Variants in THBS2 observed in about 807,000 individuals in gnomAD.
THBS2 encodes the protein thrombospondin 2.
In THBS2, 47 loss-of-function variants were observed where a neutral mutation model predicts 135.2. The observed-to-expected ratio is 0.35, with a 90% CI of 0.28 to 0.44. The LOEUF is 0.44. Among genes scored for constraint, THBS2 ranks in the 20% least tolerant of loss-of-function variants. The pLI is 1.00. For synonymous variants in THBS2, 639 were observed against 633.8 expected, an observed-to-expected ratio of 1.01 and a Z score of -0.12; for missense variants, 1,288 against 1,603.1, an observed-to-expected ratio of 0.80 and a Z score of 3.36.
intron 21 of THBS2, chr6:169,219,822 A>T (rs1198516348): frequency 2.1e-6 from 1 of 482,050 alleles, no homozygotes; most frequent in Non-Finnish European, 4.0e-6. Flanking sequence ...CTATAGAGAA[A>T]CTCCTTCCTT....
chr6:169,236,095 ACACT>A (rs1229020539), intron 9 of THBS2, among the ~76,000 whole-genome samples: 18 of 97,638 alleles, frequency 1.8e-4, no homozygotes, highest in East Asian at 2.9e-4. Flanking sequence ...ACTCCCATCC[ACACT>A]CACTCCCCAT....
At position 169,246,880 on chromosome 6, in the gene THBS2, G is replaced by A. The variant is rs59537455; in HGVS notation, c.610-599C>T. 8.7e-3 allele frequency among the ~76,000 whole-genome samples: 1,330 copies of A among 152,250 alleles called. 7 individuals carry two copies. Among genetic ancestry groups the A allele is most frequent in the Non-Finnish European group, 0.013 (872 of 68,026 alleles). On this transcript the variant is annotated intron_variant, in intron 3 of 21. Coordinates refer to ENST00000617924, the MANE Select transcript of THBS2 (RefSeq NM_003247.5). ...TGTACTTATTTCCAAGGCCCTACAC[G>A]TCCGGGAGGGAGCAATGTACCATAC...
chr6:169,253,007 G>GGTA (rs1015713908), intron 1 of THBS2, among the ~76,000 whole-genome samples: 1 of 152,106 alleles, frequency 6.6e-6, no homozygotes, highest in African/African-American at 2.4e-5. Context: ...TTCCTTAAGT[G>GGTA]GTAGCCAGGC....
In THBS2 at chr6:169,241,535, G is replaced by C. The variant is rs1326962329; in HGVS notation, c.891+227C>G. Among the ~76,000 whole-genome samples, 1 of 151,444 alleles carries C rather than the reference G, an allele frequency of 6.6e-6. No homozygotes were observed. The highest frequency in any genetic ancestry group is 1.5e-5 in the Non-Finnish European group (1 of 67,842). On this transcript the variant is annotated intron_variant, in intron 5 of 21. Coordinates refer to ENST00000617924, the MANE Select transcript of THBS2 (RefSeq NM_003247.5). The surrounding 1 kb of genome is among the most constrained non-coding windows in gnomAD (Gnocchi z 5.5). ...TATTTTGGAGACTGTGCCCAGGACT[G>C]TTTTCCTTGGGAATACTTCCCAAGA...
chr6:169,243,383 C>T (rs1780441659), intron 4 of THBS2, among the ~76,000 whole-genome samples: 1 of 152,244 alleles, frequency 6.6e-6, no homozygotes, highest in Non-Finnish European at 1.5e-5. Context: ...TAGGCCGGAG[C>T]TCACCTCACC....
rs1159593732 is a variant in THBS2 at position 169,246,207 on chromosome 6, T to A, written c.684A>T (p.Gln228His). Residue 228 changes from glutamine to histidine, a missense_variant, in exon 4 of 22, where the codon CAA becomes CAT. Around this residue, in one of 2 missense-constraint regions of THBS2, gnomAD observed 414 missense variants for 447.0 expected, o/e 0.93. Transcript: ENST00000617924. ...TCACAACACACCTACCTCCCTGGCCTTGCTGGCAACCCTTCTTGCTTAGAA... is the reference window on the plus strand; with the variant it reads ...TCACAACACACCTACCTCCCTGGCCATGCTGGCAACCCTTCTTGCTTAGAA... ...EDILSKKGCQ[Q>H]GQGAEINAIS... 6.2e-7 allele frequency: 1 copy of A among 1,613,880 alleles called. No homozygotes were observed.
chr6:169,225,377 G>T lies in THBS2; in HGVS notation c.2541C>A (p.Thr847=). ...CCCCAACAAGGTCATTGTCCACGTC[G>T]GTCTAGGGGATGGGGCGTGAGAGAA... The part of the protein sequence containing the change: ...NCPLVHNPDQ[T]DVDNDLVGDQ... Residue 847 remains threonine (T), a splice_region_variant and synonymous_variant, in exon 17 of 22, where the codon ACC becomes ACA. Coordinates refer to ENST00000617924, the MANE Select transcript of THBS2 (RefSeq NM_003247.5). 6.4e-7 allele frequency: 1 copy of T among 1,553,928 alleles called. No individual in the cohort carries two copies. Among genetic ancestry groups the T allele is most frequent in the Non-Finnish European group, 8.7e-7 (1 of 1,148,136 alleles).
chr6:169,222,257 G>A lies in THBS2; in HGVS notation c.3213C>T (p.Thr1071=). Residue 1071 remains threonine, a synonymous_variant, in exon 19 of 22, where the codon ACC becomes ACT. Coordinates refer to ENST00000617924, the MANE Select transcript of THBS2 (RefSeq NM_003247.5). ...SGVSLKVVNS[T]TGTGEHLRNA... is the part of the protein sequence containing the mutation. ...TCCTCAGGTGCTCGCCCGTCCCCGT[G>A]GTGGAGTTCACCACCTTGAGGGACA... is the stretch of plus-strand genomic sequence containing the variant. 1 of 1,613,208 alleles carries A rather than the reference G, an allele frequency of 6.2e-7. No individual in the cohort carries two copies. The highest frequency in any genetic ancestry group is 1.1e-5 in the South Asian group (1 of 91,082).
chr6:169,243,500 G>A (rs192544627), intron 4 of THBS2, among the ~76,000 whole-genome samples: 15 of 152,290 alleles, frequency 9.8e-5, no homozygotes, highest in East Asian at 3.9e-4. Flanking sequence ...ATTTTACAGC[G>A]CTGTCAGGCA....
Position 169,237,301 on chromosome 6 carries a change from C to A in THBS2, c.1346G>T (p.Cys449Phe). Residue 449 changes from cysteine (C) to phenylalanine (F), a missense_variant, in exon 9 of 22, where the codon TGC becomes TTC. Coordinates refer to ENST00000617924, the MANE Select transcript of THBS2 (RefSeq NM_003247.5). ...GWSHWSPWSS[C>F]SVTCGVGNIT... ...ATTGCCAACTCCACAGGTCACAGAG[C>A]ATGAAGACCAAGGTGACCAGTGGCT... 1 of 1,613,462 alleles carries A rather than the reference C, an allele frequency of 6.2e-7. No individual in the cohort carries two copies. The highest frequency in any genetic ancestry group is 8.5e-7 in the Non-Finnish European group (1 of 1,180,020).
At chr6:169,228,005 C>T in intron 15 of THBS2, 117 bp downstream of exon 15, 1 of 1,305,536 alleles carries the variant, frequency 7.7e-7, no homozygotes, top group Non-Finnish European at 1.0e-6. Context: ...CACTTGAACC[C>T]AAAAGGTGGA....
chr6:169,218,946 A>G (rs1384108146), intron 21 of THBS2, among the ~76,000 whole-genome samples: 1 of 132,910 alleles, frequency 7.5e-6, no homozygotes, highest in Non-Finnish European at 1.6e-5. Flanking sequence ...TGGGTGGATG[A>G]GATGAGTGGA....
intron 4 of THBS2, 52 bp from the exon 5 acceptor site, chr6:169,242,010 G>A: frequency 6.4e-7 from 1 of 1,552,670 alleles, no homozygotes; most frequent in Non-Finnish European, 8.7e-7. Flanking sequence ...GGGGCCAGCA[G>A]CAGGGGCTGG....
Position 169,242,631 on chromosome 6 carries a change from A to ACCTTC in THBS2, c.695-674_695-673insGAAGG, listed in dbSNP as rs1487737607. Among the ~76,000 whole-genome samples the ACCTTC allele has an allele frequency of 4.5e-3, 93 of 20,594 alleles. 17 individuals carry two copies. Among genetic ancestry groups the ACCTTC allele is most frequent in the South Asian group, 0.012 (6 of 510 alleles). 13.5% of individuals were successfully genotyped at this position (20,594 alleles called of 152,430 possible). On this transcript the variant is annotated intron_variant, in intron 4 of 21. Coordinates refer to ENST00000617924, the MANE Select transcript of THBS2 (RefSeq NM_003247.5). Reference sequence around the variant, plus strand: ...ACCTTCCCACCGCTCCCACCTTCCCACCACTCCCACCTTCCCACCACTCCC... The same window carrying ACCTTC: ...ACCTTCCCACCGCTCCCACCTTCCCACCTTCCCACTCCCACCTTCCCACCACTCCC...
Position 169,234,933 on chromosome 6 carries a change from G to A in THBS2, c.1478-26C>T, listed in dbSNP as rs755606537. ...CTGCGGGGAAAGCCAACCAGGGGGA[G>A]CTCAGAGCAAGACCCGGGGTGGAGA... On this transcript the variant is annotated intron_variant, in intron 9 of 21. Transcript: ENST00000617924. 5.0e-6 allele frequency: 8 copies of A among 1,590,050 alleles called. No homozygotes were observed. In the African/African-American group the frequency reaches 1.1e-4, roughly 21 times the overall value.
intron 20 of THBS2, among the ~76,000 whole-genome samples, chr6:169,220,970 C>T (rs1268435590): frequency 6.6e-6 from 1 of 152,200 alleles, no homozygotes; most frequent in Non-Finnish European, 1.5e-5. Context: ...TTTAAATTGA[C>T]CACATTTTGT....
chr6:169,246,537 A>G (rs1276974319), intron 3 of THBS2, among the ~76,000 whole-genome samples: 1 of 152,236 alleles, frequency 6.6e-6, no homozygotes, highest in African/African-American at 2.4e-5. Context: ...TGTTTCATAA[A>G]TAAGAGTGAG....
At chr6:169,245,580 CAGG>C (rs1168174938) in intron 4 of THBS2, among the ~76,000 whole-genome samples, 1 of 152,066 alleles carries the variant, frequency 6.6e-6, no homozygotes, top group Admixed American at 6.5e-5. Context: ...ATCACGAGGT[CAGG>C]AGATCGAGAC....
intron 2 of THBS2, 69 bp from the exon 3 acceptor site, chr6:169,249,042 G>A: frequency 6.9e-7 from 1 of 1,455,122 alleles, no homozygotes; most frequent in Non-Finnish European, 9.3e-7. Context: ...GACCCAGGGT[G>A]ACAAACCAGA....
Sources: allele counts gnomAD v4.1 joint callset (sites outside exome capture counted in the v4.1 genomes callset), GRCh38; gene constraint gnomAD v4.1.1; regional missense constraint gnomAD v4.1.1; non-coding constraint Gnocchi (gnomAD v3.1); transcripts MANE v1.5; gene names NCBI Gene and HGNC (gene_info 2026-07-23, HGNC 2026-07-21).